The following GAREM1 variants were observed in gnomAD, a reference collection of about 807,000 sequenced individuals.
GAREM1 encodes the protein GRB2-associated and regulator of MAPK protein 1.
In GAREM1, 26 loss-of-function variants were observed where a neutral mutation model predicts 71.3. The ratio of observed to expected loss-of-function variants is 0.36; its 90% CI spans 0.27 to 0.51. The LOEUF is 0.51. Among genes scored for constraint, GAREM1 ranks in the 20% least tolerant of loss-of-function variants. The probability of loss-of-function intolerance (pLI) is 0.95; values close to 1 mark genes in which losing one functional copy is unlikely to be tolerated. For missense variants in GAREM1, 1,026 were observed against 1,103.1 expected (o/e 0.93, Z 0.99); for synonymous variants, 440 against 433.2 (o/e 1.02, Z -0.20).
At chr18:32,366,752 T>C (rs1325011941) in intron 2 of GAREM1, among the ~76,000 whole-genome samples, 2 of 152,240 alleles carry the variant, frequency 1.3e-5, no homozygotes, top group African/African-American at 4.8e-5. Context: ...TTATGTTTTG[T>C]TTCCGGCTAG....
chr18:32,379,489 G>A (rs956629363), intron 2 of GAREM1, among the ~76,000 whole-genome samples: 1 of 149,980 alleles, frequency 6.7e-6, no homozygotes, highest in Non-Finnish European at 1.5e-5. Context: ...GGTGGATCAT[G>A]AGGTCAGGAG....
At chr18:32,314,886 C>G (rs574872575) in intron 2 of GAREM1, among the ~76,000 whole-genome samples, 3 of 152,088 alleles carry the variant, frequency 2.0e-5, no homozygotes, top group African/African-American at 7.2e-5. Context: ...CGCGCCCTGC[C>G]AATTTTTTTG....
intron 2 of GAREM1, among the ~76,000 whole-genome samples, chr18:32,322,868 A>G (rs1271212996): frequency 6.6e-6 from 1 of 152,202 alleles, no homozygotes. Flanking sequence ...TTTCTTAATT[A>G]GACCGCAGTG....
chr18:32,282,443 T>A (rs2046964172), intron 4 of GAREM1, among the ~76,000 whole-genome samples: 1 of 151,876 alleles, frequency 6.6e-6, no homozygotes, highest in Admixed American at 6.6e-5. Flanking sequence ...AGAAGACAGA[T>A]GGAGAACACT....
In GAREM1 at chr18:32,345,981, G is replaced by A. The variant is rs116164282; in HGVS notation, c.263-35658C>T. Among the ~76,000 whole-genome samples the A allele has an allele frequency of 4.3e-3, 650 of 152,148 alleles. 6 individuals carry two copies. Among genetic ancestry groups the A allele is most frequent in the African/African-American group, 0.015 (623 of 41,500 alleles). ...TTAAGACAATTAAGAATAAAAAGAC[G>A]AGCTAAGGTCTAGAATTTCTTTTTT... On this transcript the variant is annotated intron_variant, in intron 2 of 5. Coordinates refer to ENST00000269209, the MANE Select transcript of GAREM1 (RefSeq NM_001242409.2).
At chr18:32,286,072 C>T (rs746395517) in intron 4 of GAREM1, among the ~76,000 whole-genome samples, 8 of 152,150 alleles carry the variant, frequency 5.3e-5, no homozygotes, top group Admixed American at 2.0e-4. Flanking sequence ...TAGATACTGT[C>T]AAATAAATTA....
chr18:32,287,464 T>A lies in GAREM1; in HGVS notation c.1133A>T (p.Glu378Val). ...VPNSLSYARD[E>V]LTQSFHRLSV... is the part of the protein sequence containing the mutation. ...GAGTCGGTGGAAGGACTGGGTGAGC[T>A]CATCGCGGGCGTAGCTGAGCGAATT... Residue 378 changes from glutamate to valine, a missense_variant, in exon 4 of 6, where the codon GAG becomes GTG. Physicochemically the swap from Glu to Val is moderately radical, Grantham distance 121. Transcript: ENST00000269209. The surrounding 1 kb of genome is among the most constrained non-coding windows in gnomAD (Gnocchi z 5.9). The A allele has an allele frequency of 6.2e-7, 1 of 1,614,166 alleles. No individual in the cohort carries two copies. Among genetic ancestry groups the A allele is most frequent in the Non-Finnish European group, 8.5e-7 (1 of 1,180,016 alleles).
chr18:32,406,064 A>G (rs1477018650), intron 1 of GAREM1, among the ~76,000 whole-genome samples: 1 of 152,230 alleles, frequency 6.6e-6, no homozygotes, highest in African/African-American at 2.4e-5. Context: ...CATACACACA[A>G]ACTTACCCTT....
At chr18:32,348,595 G>A (rs749324448) in intron 2 of GAREM1, among the ~76,000 whole-genome samples, 27 of 151,800 alleles carry the variant, frequency 1.8e-4, no homozygotes, top group African/African-American at 5.6e-4. Context: ...GTGGTGGTGC[G>A]TGCTTGTAAT....
intron 2 of GAREM1, among the ~76,000 whole-genome samples, chr18:32,347,916 G>C (rs1164647568): frequency 6.6e-6 from 1 of 152,144 alleles, no homozygotes; most frequent in Non-Finnish European, 1.5e-5. Context: ...AAATTCTAGA[G>C]AATGTGATGA....
intron 2 of GAREM1, among the ~76,000 whole-genome samples, chr18:32,344,277 G>A (rs985489263): frequency 6.6e-6 from 1 of 152,082 alleles, no homozygotes; most frequent in African/African-American, 2.4e-5. Flanking sequence ...GTTGAAATCT[G>A]GTCCTGAACC....
chr18:32,329,561 C>T (rs1567966441), intron 2 of GAREM1, among the ~76,000 whole-genome samples: 1 of 151,628 alleles, frequency 6.6e-6, no homozygotes, highest in Non-Finnish European at 1.5e-5. Context: ...CAAAAATTAG[C>T]CAGGTGTGGT....
At chr18:32,384,776 G>A (rs991074627) in intron 2 of GAREM1, among the ~76,000 whole-genome samples, 8 of 152,086 alleles carry the variant, frequency 5.3e-5, no homozygotes, top group African/African-American at 1.9e-4. Flanking sequence ...ATGTGAAGTA[G>A]GACTAGAAAG....
At chr18:32,415,919 GA>G (rs923142584) in intron 1 of GAREM1, among the ~76,000 whole-genome samples, 85 of 152,138 alleles carry the variant, frequency 5.6e-4, no homozygotes, top group African/African-American at 2.0e-3. Flanking sequence ...AATTGGAAAG[GA>G]AAAAGTCAAA....
rs572562399 is a variant in GAREM1, at chr18:32,327,431, AT to A, written c.263-17109del. Among the ~76,000 whole-genome samples the A allele has an allele frequency of 2.0e-4, 30 of 152,326 alleles. 1 individual carries two copies. The highest frequency in any genetic ancestry group is 1.8e-3 in the Admixed American group (28 of 15,304). On this transcript the variant is annotated intron_variant, in intron 2 of 5. Coordinates refer to ENST00000269209, the MANE Select transcript of GAREM1 (RefSeq NM_001242409.2). ...TAGTACATGGGACAAGTGATGAAGT[AT>A]TTAGCCTTGCAAACAAAAGACTATA...
intron 2 of GAREM1, 111 bp downstream of exon 2, chr18:32,392,784 T>C: frequency 3.4e-6 from 4 of 1,161,718 alleles, no homozygotes; most frequent in Non-Finnish European, 3.6e-6. Flanking sequence ...AAATGTTTGA[T>C]TCTCTAAGTC....
chr18:32,363,987 C>CATAAATACAT (rs1555638685), intron 2 of GAREM1, among the ~76,000 whole-genome samples: 4 of 27,092 alleles, frequency 1.5e-4, no homozygotes, highest in African/African-American at 2.3e-4. Flanking sequence ...TACATAAATA[C>CATAAATACAT]ATATATACAT....
At chr18:32,396,071 A>G (rs1244223531) in intron 1 of GAREM1, among the ~76,000 whole-genome samples, 1 of 152,254 alleles carries the variant, frequency 6.6e-6, no homozygotes, top group Non-Finnish European at 1.5e-5. Context: ...GTGGACCTCC[A>G]GCAAACTCCA....
intron 1 of GAREM1, among the ~76,000 whole-genome samples, chr18:32,404,351 C>T (rs761779366): frequency 2.0e-5 from 3 of 151,926 alleles, no homozygotes; most frequent in Non-Finnish European, 4.4e-5. Flanking sequence ...AGCTTAACTA[C>T]TGATGAGTTT....
Sources: allele counts gnomAD v4.1 joint callset (sites outside exome capture counted in the v4.1 genomes callset), GRCh38; gene constraint gnomAD v4.1.1; non-coding constraint Gnocchi (gnomAD v3.1); transcripts MANE v1.5; gene names NCBI Gene and HGNC (gene_info 2026-07-23, HGNC 2026-07-21).